OSBPL10: variants seen among roughly 807,000 people sequenced by gnomAD.
OSBPL10 encodes oxysterol-binding protein-related protein 10.
OSBPL10 carries 49 observed loss-of-function variants against 81.7 expected under a neutral mutation model. That is an observed-to-expected ratio of 0.60 (90% CI 0.48 to 0.76). The LOEUF is 0.76. Ranked by LOEUF, OSBPL10 falls within the 30% of genes least tolerant of loss-of-function variation. The probability of loss-of-function intolerance (pLI) is 0.00; values close to 1 mark genes in which losing one functional copy is unlikely to be tolerated. For missense variants in OSBPL10, 923 were observed against 987.8 expected, an observed-to-expected ratio of 0.93 and a Z score of 0.88; for synonymous variants, 419 against 383.6, an observed-to-expected ratio of 1.09 and a Z score of -1.08.
At chr3:31,898,046 G>C (rs1158314231) in intron 1 of OSBPL10, among the ~76,000 whole-genome samples, 9 of 127,088 alleles carry the variant, frequency 7.1e-5, no homozygotes, top group Non-Finnish European at 5.2e-5. Context: ...AACAGAAGAA[G>C]AAGAGAAAGG....
intron 7 of OSBPL10, among the ~76,000 whole-genome samples, chr3:31,701,210 T>G (rs916720222): frequency 1.8e-4 from 28 of 152,170 alleles, no homozygotes; most frequent in African/African-American, 6.5e-4. Context: ...TCTTGCCCCC[T>G]GCCTAGTCCG....
chr3:31,989,155 T>G (rs1431301944), intron 2 of OSBPL10: 1 of 1,613,990 alleles, frequency 6.2e-7, no homozygotes, highest in Non-Finnish European at 8.5e-7. Context: ...ACACTTGACT[T>G]TTAGGGATGT....
intron 2 of OSBPL10, among the ~76,000 whole-genome samples, chr3:31,993,638 A>G (rs1054933533): frequency 6.6e-6 from 1 of 152,174 alleles, no homozygotes; most frequent in Admixed American, 6.5e-5. Flanking sequence ...GTAAAACTAC[A>G]ATGAGATACT....
chr3:31,856,113 C>T (rs1700908093), intron 3 of OSBPL10, among the ~76,000 whole-genome samples: 1 of 137,656 alleles, frequency 7.3e-6, no homozygotes. Flanking sequence ...CACACACACA[C>T]ACACGTTTTA....
At chr3:31,968,170 G>A (rs1266158805) in intron 1 of OSBPL10, among the ~76,000 whole-genome samples, 6 of 151,946 alleles carry the variant, frequency 3.9e-5, no homozygotes, top group Middle Eastern at 3.4e-3. Flanking sequence ...ACTTCAGTGC[G>A]TAAATGTTAA....
chr3:32,070,996 A>C (rs995268944), intron 1 of OSBPL10, among the ~76,000 whole-genome samples: 3 of 152,056 alleles, frequency 2.0e-5, no homozygotes, highest in African/African-American at 7.2e-5. Flanking sequence ...CTCATGATTT[A>C]CTTTCTTTCC....
chr3:31,990,696 A>C (rs1699017022), intron 2 of OSBPL10: 1 of 1,613,986 alleles, frequency 6.2e-7, no homozygotes, highest in South Asian at 1.1e-5. Context: ...AACCTTACAA[A>C]TGTGAAGAAT....
chr3:31,787,292 T>C (rs1698882675), intron 4 of OSBPL10, among the ~76,000 whole-genome samples: 1 of 152,168 alleles, frequency 6.6e-6, no homozygotes, highest in Non-Finnish European at 1.5e-5. Context: ...TTTAGTCATA[T>C]ATAATGGATT....
intron 3 of OSBPL10, among the ~76,000 whole-genome samples, chr3:31,843,426 C>T (rs1023337545): frequency 5.3e-5 from 8 of 152,168 alleles, no homozygotes; most frequent in African/African-American, 1.9e-4. Context: ...TCCTGGGGTT[C>T]CTCCTCTCTT....
chr3:31,897,068 C>T (rs1696080330), intron 1 of OSBPL10, among the ~76,000 whole-genome samples: 2 of 152,130 alleles, frequency 1.3e-5, no homozygotes, highest in Non-Finnish European at 2.9e-5. Context: ...GAAACATCTA[C>T]ACTATAAAAG....
chr3:31,709,121 C>T lies in OSBPL10; in HGVS notation c.1096-6613G>A, dbSNP rs1035605363. ...CCCGATGGAGAAGCTGGATCTTATC[C>T]TTGACAGGTCCAAGTACACGCATGT... On this transcript the variant is annotated intron_variant, in intron 6 of 11. Coordinates refer to ENST00000396556, the MANE Select transcript of OSBPL10 (RefSeq NM_017784.5). 5.0e-6 allele frequency: 4 copies of T among 803,068 alleles called. No individual in the cohort carries two copies. In the Admixed American group the frequency reaches 1.9e-4, roughly 38 times the overall value. 49.7% of individuals were successfully genotyped at this position (803,068 alleles called of 1,614,324 possible).
intron 2 of OSBPL10, among the ~76,000 whole-genome samples, chr3:32,017,402 A>G (rs1323164186): frequency 2.0e-5 from 3 of 152,164 alleles, no homozygotes; most frequent in Non-Finnish European, 2.9e-5. Context: ...TTTATTTTGA[A>G]TCTTCAAACA....
rs912848522 is a variant in OSBPL10 at position 31,862,542 on chromosome 3, T to C, written c.537+13891A>G. 3.9e-5 allele frequency among the ~76,000 whole-genome samples: 6 copies of C among 152,160 alleles called. 1 individual carries two copies. Among genetic ancestry groups the C allele is most frequent in the Admixed American group, 3.9e-4 (6 of 15,276 alleles). Reference sequence around the variant, plus strand: ...GGAGCTAATACTTGCAAATTATGTATCTGATAAAGGTCTAACTATCAAGAC... The same window carrying C: ...GGAGCTAATACTTGCAAATTATGTACCTGATAAAGGTCTAACTATCAAGAC... On this transcript the variant is annotated intron_variant, in intron 3 of 11. Coordinates refer to ENST00000396556, the MANE Select transcript of OSBPL10 (RefSeq NM_017784.5).
intron 1 of OSBPL10, among the ~76,000 whole-genome samples, chr3:31,897,519 G>A (rs1290110743): frequency 1.3e-5 from 2 of 152,068 alleles, no homozygotes; most frequent in South Asian, 2.1e-4. Context: ...AGAAAGATAC[G>A]ACATTTCAGA....
At chr3:31,753,326 C>T (rs569500752) in intron 4 of OSBPL10, among the ~76,000 whole-genome samples, 1 of 151,930 alleles carries the variant, frequency 6.6e-6, no homozygotes, top group Non-Finnish European at 1.5e-5. Context: ...GCTGGGATTA[C>T]AGGTATGCAC....
At chr3:31,741,097 T>C (rs1044180273) in intron 5 of OSBPL10, among the ~76,000 whole-genome samples, 2 of 152,118 alleles carry the variant, frequency 1.3e-5, no homozygotes, top group East Asian at 1.9e-4. Context: ...CCCTGCAAGG[T>C]CTTTCCTCTT....
At chr3:31,915,600 G>A (rs1483345029) in intron 1 of OSBPL10, among the ~76,000 whole-genome samples, 1 of 152,058 alleles carries the variant, frequency 6.6e-6, no homozygotes, top group Non-Finnish European at 1.5e-5. Context: ...AAAACTTGGG[G>A]CGACTAAAGT....
chr3:31,702,351 C>T lies in OSBPL10; in HGVS notation c.1245+8G>A, dbSNP rs1202005404. On this transcript the variant is annotated splice_region_variant and intron_variant, in intron 7 of 11. Coordinates refer to ENST00000396556, the MANE Select transcript of OSBPL10 (RefSeq NM_017784.5). ...CTGACCACAAATCCAGGGGACATGC[C>T]AACCTACCTTGGTCAAATCCATTCC... 2.5e-6 allele frequency: 4 copies of T among 1,613,422 alleles called. No homozygotes were observed. Among genetic ancestry groups the T allele is most frequent in the Non-Finnish European group, 3.4e-6 (4 of 1,179,502 alleles).
intron 2 of OSBPL10, among the ~76,000 whole-genome samples, chr3:32,031,717 G>C (rs574595313): frequency 4.1e-4 from 63 of 152,272 alleles, no homozygotes; most frequent in African/African-American, 1.5e-3. Context: ...GCCTCCCAAA[G>C]TGCTGGGATT....
Sources: gnomAD v4.1 joint callset for allele counts (sites outside exome capture counted in the v4.1 genomes callset) on GRCh38, gnomAD v4.1.1 for gene constraint, MANE v1.5 for transcripts, NCBI Gene and HGNC (gene_info 2026-07-23, HGNC 2026-07-21) for gene names.